ADCK1: variants seen among roughly 807,000 people sequenced by gnomAD.
ADCK1 encodes aarF domain-containing protein kinase 1.
ADCK1 carries 41 observed loss-of-function variants against 52.3 expected under a neutral mutation model. The ratio of observed to expected loss-of-function variants is 0.78; its 90% CI spans 0.61 to 1.02. The LOEUF (loss-of-function observed/expected upper bound fraction) is 1.02, where lower values mean the gene tolerates loss of function less well. ADCK1 is among the 50% of genes least tolerant of loss of function. The probability of loss-of-function intolerance (pLI) is 0.00; values close to 1 mark genes in which losing one functional copy is unlikely to be tolerated. For missense variants in ADCK1, 658 were observed against 679.5 expected, an observed-to-expected ratio of 0.97 and a Z score of 0.35; for synonymous variants, 250 against 274.6, an observed-to-expected ratio of 0.91 and a Z score of 0.89.
intron 1 of ADCK1, among the ~76,000 whole-genome samples, chr14:77,818,470 C>T (rs554288448): frequency 9.9e-5 from 15 of 152,230 alleles, no homozygotes; most frequent in African/African-American, 3.4e-4. Context: ...TTCGTAGAGA[C>T]GGGGTTTCGT....
intron 6 of ADCK1, among the ~76,000 whole-genome samples, chr14:77,900,315 G>A (rs372793862): frequency 6.6e-6 from 1 of 152,010 alleles, no homozygotes; most frequent in African/African-American, 2.4e-5. Flanking sequence ...GGCTGGGCAT[G>A]GTGGCTGATG....
intron 1 of ADCK1, among the ~76,000 whole-genome samples, chr14:77,809,494 T>C: frequency 6.6e-6 from 1 of 151,862 alleles, no homozygotes; most frequent in Non-Finnish European, 1.5e-5. Flanking sequence ...CACGCCTGGC[T>C]AATTTTTGCA....
intron 3 of ADCK1, among the ~76,000 whole-genome samples, chr14:77,845,823 T>C (rs1015963526): frequency 6.6e-6 from 1 of 152,088 alleles, no homozygotes; most frequent in African/African-American, 2.4e-5. Flanking sequence ...TCCCTCAGAG[T>C]TGCCTGTCAG....
At chr14:77,860,146 C>G (rs1311097733) in intron 4 of ADCK1, among the ~76,000 whole-genome samples, 2 of 152,166 alleles carry the variant, frequency 1.3e-5, no homozygotes, top group Admixed American at 6.5e-5. Flanking sequence ...CGATCTTATC[C>G]CTCCTTTGGG....
In ADCK1 at chr14:77,901,308, C is replaced by T. The variant is rs577892559; in HGVS notation, c.741+2050C>T. On this transcript the variant is annotated intron_variant, in intron 6 of 10. Coordinates refer to ENST00000238561, the MANE Select transcript of ADCK1 (RefSeq NM_020421.4). Reference sequence around the variant, plus strand: ...CAAATGATTTGCCCACTTTGGCCTCCCAAAGTGCTGAGATTACAGGTGTGA... The same window carrying T: ...CAAATGATTTGCCCACTTTGGCCTCTCAAAGTGCTGAGATTACAGGTGTGA... 2.0e-5 allele frequency among the ~76,000 whole-genome samples: 3 copies of T among 151,672 alleles called. No homozygotes were observed. The South Asian group carries it at 6.2e-4, about 32-fold the overall frequency.
At chr14:77,829,838 A>G (rs1018254184) in intron 3 of ADCK1, among the ~76,000 whole-genome samples, 11 of 151,322 alleles carry the variant, frequency 7.3e-5, no homozygotes, top group Admixed American at 7.2e-4. Context: ...TTAAGTTGGT[A>G]TGGGAGCTGA....
chr14:77,869,734 G>A (rs2082735805), intron 4 of ADCK1, among the ~76,000 whole-genome samples: 1 of 152,138 alleles, frequency 6.6e-6, no homozygotes, highest in African/African-American at 2.4e-5. Context: ...TGGGCCTTGG[G>A]GTGTCTTCTG....
intron 3 of ADCK1, among the ~76,000 whole-genome samples, chr14:77,852,907 A>ATATATATATATATATTTTT (rs1555351700): frequency 1.4e-4 from 4 of 28,954 alleles, no homozygotes; most frequent in African/African-American, 2.2e-4. Context: ...ATATATATAT[A>ATATATATATATATATTTTT]TTTTTTTTTT....
chr14:77,862,893 T>C (rs1037501610), intron 4 of ADCK1, among the ~76,000 whole-genome samples: 1 of 152,172 alleles, frequency 6.6e-6, no homozygotes, highest in Non-Finnish European at 1.5e-5. Flanking sequence ...AGAGGTTGCC[T>C]TGGGCAGATG....
chr14:77,925,082 C>T (rs1409228579), intron 8 of ADCK1, among the ~76,000 whole-genome samples: 3 of 152,194 alleles, frequency 2.0e-5, no homozygotes, highest in African/African-American at 7.2e-5. Context: ...CCAGGAGCTC[C>T]TACTTGGAAG....
chr14:77,844,529 C>A (rs1233623337), intron 3 of ADCK1, among the ~76,000 whole-genome samples: 1 of 152,186 alleles, frequency 6.6e-6, no homozygotes, highest in South Asian at 2.1e-4. Context: ...CTGTTGGACT[C>A]CCTTAGAGAG....
chr14:77,839,678 A>C (rs923721779), intron 3 of ADCK1, among the ~76,000 whole-genome samples: 3 of 152,070 alleles, frequency 2.0e-5, no homozygotes, highest in African/African-American at 7.2e-5. Context: ...GCTGGCCTGT[A>C]ATCCCAGCAC....
chr14:77,853,058 T>C (rs1252990253), intron 3 of ADCK1, among the ~76,000 whole-genome samples: 3 of 88,144 alleles, frequency 3.4e-5, no homozygotes, highest in African/African-American at 7.8e-5. Context: ...GGCCTGATAT[T>C]TTTTTCCCCC....
Position 77,899,249 on chromosome 14 carries a change from C to G in ADCK1, c.732C>G (p.Asp244Glu). 1 of 1,614,028 alleles carries G rather than the reference C, an allele frequency of 6.2e-7. No individual in the cohort carries two copies. The highest frequency in any genetic ancestry group is 8.5e-7 in the Non-Finnish European group (1 of 1,179,962). ...EKVSQMLRHFDFLKVPRIHWD... is the reference protein window; with the variant it reads ...EKVSQMLRHFEFLKVPRIHWD... Reference sequence around the variant, plus strand: ...TGTCCCAGATGCTCAGGCATTTTGACTTCTTGAAGGTAGGTGGGACGATGC... The same window carrying G: ...TGTCCCAGATGCTCAGGCATTTTGAGTTCTTGAAGGTAGGTGGGACGATGC... Residue 244 changes from aspartate to glutamate, a missense_variant, in exon 6 of 11, where the codon GAC becomes GAG. Asp to Glu is a conservative substitution (Grantham distance 45, BLOSUM62 2). Transcript: ENST00000238561.
intron 3 of ADCK1, among the ~76,000 whole-genome samples, chr14:77,852,660 A>ATATATATATATAT (rs2082310962): frequency 3.2e-4 from 10 of 31,696 alleles, no homozygotes; most frequent in African/African-American, 1.1e-3. Context: ...TAAATAAATA[A>ATATATATATATAT]ATATATATAT....
At chr14:77,822,941 C>T (rs1400598482) in intron 3 of ADCK1, among the ~76,000 whole-genome samples, 1 of 152,098 alleles carries the variant, frequency 6.6e-6, no homozygotes, top group East Asian at 1.9e-4. Context: ...TGGGATGACT[C>T]AGGAGGGATG....
At chr14:77,824,772 A>G (rs1366112494) in intron 3 of ADCK1, among the ~76,000 whole-genome samples, 1 of 152,178 alleles carries the variant, frequency 6.6e-6, no homozygotes, top group Admixed American at 6.5e-5. Flanking sequence ...TCAAATCTGG[A>G]TCAAAATGTC....
intron 5 of ADCK1, among the ~76,000 whole-genome samples, chr14:77,897,677 A>G (rs551963953): frequency 1.2e-3 from 185 of 152,264 alleles, no homozygotes; most frequent in African/African-American, 4.2e-3. Flanking sequence ...TTGTTTTCTT[A>G]TTCCAATTTA....
intron 6 of ADCK1, among the ~76,000 whole-genome samples, chr14:77,901,203 C>CCCAG (rs2083534323): frequency 7.0e-6 from 1 of 143,136 alleles, no homozygotes. Flanking sequence ...TGCCACCATG[C>CCCAG]CTTACTAATA....
Sources: allele counts gnomAD v4.1 joint callset (sites outside exome capture counted in the v4.1 genomes callset), GRCh38; gene constraint gnomAD v4.1.1; transcripts MANE v1.5; gene names NCBI Gene and HGNC (gene_info 2026-07-23, HGNC 2026-07-21).